KIF1B: variants seen among roughly 807,000 people sequenced by gnomAD.
KIF1B encodes kinesin family member 1B.
Under a neutral mutation model 241.9 loss-of-function variants are expected in KIF1B, and 76 were observed. The ratio of observed to expected loss-of-function variants is 0.31; its 90% CI spans 0.26 to 0.38. The LOEUF is 0.38. Ranked by LOEUF, KIF1B falls within the 10% of genes least tolerant of loss-of-function variation. KIF1B has a pLI of 1.00. For synonymous variants in KIF1B, 750 were observed against 796.7 expected (o/e 0.94, Z 0.99); for missense variants, 1,622 against 2,271.4 (o/e 0.71, Z 5.81).
At chr1:10,371,528 C>T (rs1569923460) in intron 45 of KIF1B, among the ~76,000 whole-genome samples, 1 of 152,182 alleles carries the variant, frequency 6.6e-6, no homozygotes, top group East Asian at 1.9e-4. Flanking sequence ...ATCCTCCATT[C>T]CTACCCCTGC....
chr1:10,283,573 C>G (rs1649541697), intron 15 of KIF1B, among the ~76,000 whole-genome samples: 1 of 152,266 alleles, frequency 6.6e-6, no homozygotes, highest in South Asian at 2.1e-4. Context: ...AGTGCACAGA[C>G]AGTTGTCACC....
At position 10,378,999 on chromosome 1, in the gene KIF1B, A is replaced by G. The variant is rs886045000; in HGVS notation, c.*2412A>G. 1 of 232,042 alleles carries G rather than the reference A, an allele frequency of 4.3e-6. No homozygotes were observed. Among genetic ancestry groups the G allele is most frequent in the Non-Finnish European group, 8.5e-6 (1 of 117,418 alleles). 14.4% of individuals were successfully genotyped at this position (232,042 alleles called of 1,614,324 possible). A position where few individuals can be genotyped will look rare whatever the true frequency, so the allele number is the denominator to read the frequency against. Reference sequence around the variant, plus strand: ...AGTTTCATTGTCTGATGGACACAATATGCCCTTCCGGTTCTATTCAAACCA... The same window carrying G: ...AGTTTCATTGTCTGATGGACACAATGTGCCCTTCCGGTTCTATTCAAACCA... On this transcript the variant is annotated 3_prime_UTR_variant, in exon 49 of 49. Coordinates refer to ENST00000676179, the MANE Select transcript of KIF1B (RefSeq NM_001365951.3).
rs182964544 is a variant in KIF1B, at chr1:10,367,112, T to A, written c.4753-1355T>A. Among the ~76,000 whole-genome samples, 1,503 of 152,140 alleles carry A rather than the reference T, an allele frequency of 9.9e-3. 19 individuals carry two copies. Among genetic ancestry groups the A allele is most frequent in the African/African-American group, 0.034 (1,409 of 41,542 alleles). On this transcript the variant is annotated intron_variant, in intron 43 of 48. Transcript: ENST00000676179. ...AAGCTTTTTAAAATTTTATTTTTTTTGAGATGGAGTCTCACTCCTGTCACA... is the reference window on the plus strand; with the variant it reads ...AAGCTTTTTAAAATTTTATTTTTTTAGAGATGGAGTCTCACTCCTGTCACA...
chr1:10,343,485 C>T lies in KIF1B; in HGVS notation c.3688+198C>T, dbSNP rs541009991. On this transcript the variant is annotated intron_variant, in intron 34 of 48. Transcript: ENST00000676179. ...TAAAATAAGAAGTAAAGGCTGGGCG[C>T]GGTGGCTCATGCCTGTAATCCCAGC... is the stretch of plus-strand genomic sequence containing the variant. Among the ~76,000 whole-genome samples the T allele has an allele frequency of 6.6e-5, 10 of 152,178 alleles. No homozygotes were observed. In the East Asian group the frequency reaches 1.3e-3, roughly 21 times the overall value.
In KIF1B at chr1:10,345,448, A is replaced by C. The variant is rs144723629; in HGVS notation, c.3689-397A>C. Among the ~76,000 whole-genome samples, 34 of 152,256 alleles carry C rather than the reference A, an allele frequency of 2.2e-4. No individual in the cohort carries two copies. In the East Asian group the frequency reaches 5.2e-3, roughly 23 times the overall value. ...GGAGGATGGGTCTTTTCTTCAGGAC[A>C]TCAGCTTTGATTGAGCCCCTGTGAC... On this transcript the variant is annotated intron_variant, in intron 34 of 48. Coordinates refer to ENST00000676179, the MANE Select transcript of KIF1B (RefSeq NM_001365951.3).
chr1:10,374,863 C>T lies in KIF1B; in HGVS notation c.5106C>T (p.Val1702=). The T allele has an allele frequency of 6.2e-7, 1 of 1,608,028 alleles. No homozygotes were observed. The highest frequency in any genetic ancestry group is 8.5e-7 in the Non-Finnish European group (1 of 1,176,748). The stretch of plus-strand genomic sequence containing the variant: ...ATATTGTCGTTTTTAGCTCAGTGGT[C>T]TCTAAGAAAGGATACCTTCATTTCA... ...DIEEIRPSSV[V]SKKGYLHFKE... The change falls in exon 47 of 49, where the codon GTC becomes GTT. Residue 1702 remains valine, a synonymous_variant. Transcript: ENST00000676179. The surrounding 1 kb of genome is among the most constrained non-coding windows in gnomAD (Gnocchi z 4.3).
intron 40 of KIF1B, among the ~76,000 whole-genome samples, chr1:10,362,553 G>A (rs183433661): frequency 6.7e-6 from 1 of 148,964 alleles, no homozygotes; most frequent in African/African-American, 2.5e-5. Flanking sequence ...GTGTATCACC[G>A]CCCAGCTTAA....
intron 1 of KIF1B, among the ~76,000 whole-genome samples, chr1:10,230,603 T>G (rs1266767660): frequency 5.3e-5 from 8 of 152,004 alleles, no homozygotes; most frequent in Non-Finnish European, 1.0e-4. Context: ...ACCTGGTTAA[T>G]TTTTGTATTT....
At chr1:10,251,993 T>C (rs868315496) in intron 2 of KIF1B, among the ~76,000 whole-genome samples, 4 of 152,138 alleles carry the variant, frequency 2.6e-5, no homozygotes, top group Non-Finnish European at 4.4e-5. Context: ...ATTCATCTTT[T>C]AGATCTTTTA....
intron 5 of KIF1B, among the ~76,000 whole-genome samples, chr1:10,264,821 C>T (rs1017955904): frequency 1.3e-5 from 2 of 152,104 alleles, no homozygotes; most frequent in African/African-American, 4.8e-5. Flanking sequence ...GCTACCACAC[C>T]TGGCTAATTT....
chr1:10,363,260 A>G (rs1433476909), intron 40 of KIF1B, 23 bp from the exon 41 acceptor site: 18 of 1,596,966 alleles, frequency 1.1e-5, no homozygotes, highest in Non-Finnish European at 1.5e-5. Flanking sequence ...AGATTAAACA[A>G]TTGTTTTATT....
intron 1 of KIF1B, among the ~76,000 whole-genome samples, chr1:10,230,185 G>C (rs532701163): frequency 1.3e-5 from 2 of 152,116 alleles, no homozygotes; most frequent in South Asian, 4.1e-4. Context: ...AGTGACTTTG[G>C]TTTTTATGTT....
rs1009287759 is a variant in KIF1B, at chr1:10,381,169, A to C, written c.*4582A>C. ...TATTCTGGCATCAGCTCACTTGAGG[A>C]GTCCCTCAGCCTTCTTGTATTTAAG... On this transcript the variant is annotated 3_prime_UTR_variant, in exon 49 of 49. Transcript: ENST00000676179. 4.5e-6 allele frequency: 1 copy of C among 220,322 alleles called. No homozygotes were observed. Among genetic ancestry groups the C allele is most frequent in the Non-Finnish European group, 9.1e-6 (1 of 109,780 alleles). The allele number at this position is 220,322 out of a possible 1,614,324, so 13.6% of individuals were successfully genotyped here. A position where few individuals can be genotyped will look rare whatever the true frequency, so the allele number is the denominator to read the frequency against.
At chr1:10,287,771 G>A (rs1046893886) in intron 15 of KIF1B, among the ~76,000 whole-genome samples, 1 of 152,160 alleles carries the variant, frequency 6.6e-6, no homozygotes, top group Non-Finnish European at 1.5e-5. Flanking sequence ...GAGTTCTACA[G>A]TTGCCCCAAA....
intron 1 of KIF1B, among the ~76,000 whole-genome samples, chr1:10,221,872 G>A (rs1409219831): frequency 6.6e-6 from 1 of 152,052 alleles, no homozygotes; most frequent in Admixed American, 6.6e-5. Context: ...TTGGAGTGCA[G>A]TGGTGCAATC....
Position 10,323,990 on chromosome 1 carries a change from G to A in KIF1B, c.2465G>A (p.Arg822His), listed in dbSNP as rs766572494. 5.6e-6 allele frequency: 9 copies of A among 1,614,008 alleles called. No homozygotes were observed. Among genetic ancestry groups the A allele is most frequent in the Admixed American group, 1.7e-5 (1 of 60,018 alleles). Residue 822 changes from arginine (R) to histidine (H), a missense_variant, in exon 25 of 49, where the codon CGC becomes CAC. Arg to His is a conservative substitution (Grantham distance 29). Transcript: ENST00000676179. ...ACTCATGAGGACAGGCCTTTCCCTC[G>A]CACAGTGGTAGCAGTAGAAGTCCAG... is the stretch of plus-strand genomic sequence containing the variant. ...EKTHEDRPFP[R>H]TVVAVEVQDL...
rs912675699 is a variant in KIF1B, at chr1:10,303,874, G to A, written c.2115+6628G>A. The A allele has an allele frequency of 1.2e-6, 2 of 1,614,086 alleles. No homozygotes were observed. The highest frequency in any genetic ancestry group is 1.7e-6 in the Non-Finnish European group (2 of 1,180,042). ...TAATGTAAGTAAAGGAGACAATGGA[G>A]AACTTGCAAAAGAAGAACGTGTTTC... On this transcript the variant is annotated intron_variant, in intron 22 of 48. Coordinates refer to ENST00000676179, the MANE Select transcript of KIF1B (RefSeq NM_001365951.3). The surrounding 1 kb of genome is among the most constrained non-coding windows in gnomAD (Gnocchi z 5.2).
chr1:10,220,413 A>AGATAGATAGAT (rs1557644331), intron 1 of KIF1B, among the ~76,000 whole-genome samples: 12 of 149,508 alleles, frequency 8.0e-5, no homozygotes, highest in African/African-American at 2.7e-4. Context: ...ATAGATAGAT[A>AGATAGATAGAT]GATAGATAGA....
At chr1:10,324,122 A>G in intron 25 of KIF1B, 60 bp downstream of exon 25, 1 of 1,526,542 alleles carries the variant, frequency 6.6e-7, no homozygotes, top group Non-Finnish European at 9.1e-7. Flanking sequence ...GACCTGCTCA[A>G]GTGAGCTCCC....
Sources: allele counts gnomAD v4.1 joint callset (sites outside exome capture counted in the v4.1 genomes callset), GRCh38; gene constraint gnomAD v4.1.1; non-coding constraint Gnocchi (gnomAD v3.1); transcripts MANE v1.5; gene names NCBI Gene and HGNC (gene_info 2026-07-23, HGNC 2026-07-21).